The following CHSY1 variants were observed in gnomAD, a reference collection of about 807,000 sequenced individuals.
CHSY1 encodes the protein chondroitin sulfate synthase 1.
In CHSY1, 13 loss-of-function variants were observed where a neutral mutation model predicts 59.8. The observed-to-expected ratio is 0.22, with a 90% CI of 0.14 to 0.35. CHSY1 has a LOEUF of 0.35. Among genes scored for constraint, CHSY1 ranks in the 10% least tolerant of loss-of-function variants. The probability of loss-of-function intolerance (pLI) is 1.00; values close to 1 mark genes in which losing one functional copy is unlikely to be tolerated. For missense variants in CHSY1, 947 were observed against 1,030.6 expected, an observed-to-expected ratio of 0.92 and a Z score of 1.11; for synonymous variants, 459 against 401.2, an observed-to-expected ratio of 1.14 and a Z score of -1.72.
At chr15:101,237,907 G>A (rs1460443337) in intron 1 of CHSY1, among the ~76,000 whole-genome samples, 1 of 152,160 alleles carries the variant, frequency 6.6e-6, no homozygotes, top group Non-Finnish European at 1.5e-5. Flanking sequence ...CCTGTTACAA[G>A]TGTATTTATT....
intron 2 of CHSY1, among the ~76,000 whole-genome samples, chr15:101,215,930 G>C (rs1388088744): frequency 6.6e-6 from 1 of 151,924 alleles, no homozygotes; most frequent in Non-Finnish European, 1.5e-5. Context: ...TAATATTCTA[G>C]ATGCCTGAGG....
intron 1 of CHSY1, among the ~76,000 whole-genome samples, chr15:101,238,674 G>A (rs1177299340): frequency 6.6e-6 from 1 of 152,142 alleles, no homozygotes; most frequent in Non-Finnish European, 1.5e-5. Flanking sequence ...TTTTCCCTTA[G>A]TGCCTATGGA....
intron 2 of CHSY1, among the ~76,000 whole-genome samples, chr15:101,233,542 A>G (rs997023680): frequency 3.9e-5 from 6 of 152,212 alleles, no homozygotes; most frequent in African/African-American, 1.4e-4. Context: ...TATTCTGCTT[A>G]AAACAGCGTG....
At chr15:101,238,925 T>C (rs1239928713) in intron 1 of CHSY1, among the ~76,000 whole-genome samples, 1 of 152,212 alleles carries the variant, frequency 6.6e-6, no homozygotes, top group Non-Finnish European at 1.5e-5. Context: ...GGACAAGTCC[T>C]TTTGCAAATG....
At chr15:101,223,511 C>T (rs184664052) in intron 2 of CHSY1, among the ~76,000 whole-genome samples, 21 of 152,338 alleles carry the variant, frequency 1.4e-4, no homozygotes, top group East Asian at 9.6e-4. Flanking sequence ...TTGTTTTCAT[C>T]ATCTCATCTA....
At chr15:101,227,725 G>C (rs1345326366) in intron 2 of CHSY1, among the ~76,000 whole-genome samples, 1 of 152,204 alleles carries the variant, frequency 6.6e-6, no homozygotes, top group African/African-American at 2.4e-5. Context: ...TTCAGGGCAA[G>C]CACCAACAGG....
At position 101,178,170 on chromosome 15, in the gene CHSY1, G is replaced by A. The variant is rs768173595; in HGVS notation, c.1627C>T (p.Arg543Cys). The change falls in exon 3 of 3, where the codon CGT (arginine) becomes TGT (cysteine). Residue 543 changes from arginine to cysteine, a missense_variant. Physicochemically the swap from Arg to Cys is radical, Grantham distance 180. Coordinates refer to ENST00000254190, the MANE Select transcript of CHSY1 (RefSeq NM_014918.5). ...ATAAATCTCACAAACATGTCGAAACGCCCAGACAAAGGAATCAGTATGTTT... is the reference window on the plus strand; with the variant it reads ...ATAAATCTCACAAACATGTCGAAACACCCAGACAAAGGAATCAGTATGTTT... The part of the protein sequence containing the change: ...KINILIPLSG[R>C]FDMFVRFMGN... 4.3e-6 allele frequency: 7 copies of A among 1,614,184 alleles called. No homozygotes were observed. The highest frequency in any genetic ancestry group is 5.9e-6 in the Non-Finnish European group (7 of 1,180,042).
intron 2 of CHSY1, among the ~76,000 whole-genome samples, chr15:101,193,810 G>T (rs1461415401): frequency 6.6e-6 from 1 of 152,224 alleles, no homozygotes; most frequent in Non-Finnish European, 1.5e-5. Flanking sequence ...TCCACACCAG[G>T]AGAGTGTGCA....
At chr15:101,219,150 C>G (rs1479890534) in intron 2 of CHSY1, among the ~76,000 whole-genome samples, 2 of 152,084 alleles carry the variant, frequency 1.3e-5, no homozygotes, top group African/African-American at 4.8e-5. Context: ...TCTCTCTATA[C>G]CAAAAGAATA....
intron 1 of CHSY1, among the ~76,000 whole-genome samples, chr15:101,237,459 G>A (rs976049942): frequency 7.9e-5 from 12 of 152,118 alleles, no homozygotes; most frequent in African/African-American, 2.2e-4. Flanking sequence ...GCCCAGACCC[G>A]GGTTTAAGAG....
intron 1 of CHSY1, among the ~76,000 whole-genome samples, chr15:101,237,998 G>T (rs532114250): frequency 6.6e-6 from 1 of 152,178 alleles, no homozygotes; most frequent in African/African-American, 2.4e-5. Context: ...TATCTGAAAA[G>T]ATACACACCA....
At chr15:101,250,913 T>G (rs542264307) in intron 1 of CHSY1, among the ~76,000 whole-genome samples, 3 of 152,274 alleles carry the variant, frequency 2.0e-5, no homozygotes, top group African/African-American at 7.2e-5. Flanking sequence ...GAGGCCACAC[T>G]AGTCCATCTG....
intron 2 of CHSY1, among the ~76,000 whole-genome samples, chr15:101,213,905 T>A (rs1278186124): frequency 6.6e-6 from 1 of 152,238 alleles, no homozygotes; most frequent in Non-Finnish European, 1.5e-5. Flanking sequence ...CTTTTCCTAA[T>A]GCGGTTAAAA....
intron 2 of CHSY1, among the ~76,000 whole-genome samples, chr15:101,214,436 G>A (rs567112288): frequency 1.3e-5 from 2 of 152,312 alleles, no homozygotes; most frequent in African/African-American, 2.4e-5. Context: ...CAACGTCACT[G>A]CACAAGTTGT....
intron 2 of CHSY1, among the ~76,000 whole-genome samples, chr15:101,220,150 G>A (rs1323914600): frequency 6.6e-6 from 1 of 152,188 alleles, no homozygotes; most frequent in Non-Finnish European, 1.5e-5. Flanking sequence ...TACCCAAACA[G>A]TGAGTGTTCA....
chr15:101,222,045 T>C (rs550098794), intron 2 of CHSY1, among the ~76,000 whole-genome samples: 6 of 152,280 alleles, frequency 3.9e-5, no homozygotes, highest in South Asian at 2.1e-4. Context: ...AATGGTACCA[T>C]TACAAATTTT....
At position 101,251,267 on chromosome 15, in the gene CHSY1, C is replaced by T. The variant is rs769189425; in HGVS notation, c.190G>A (p.Asp64Asn). The T allele has an allele frequency of 2.2e-6, 3 of 1,341,126 alleles. No individual in the cohort carries two copies. The highest frequency in any genetic ancestry group is 3.7e-5 in the South Asian group (2 of 53,462). The allele number at this position is 1,341,126 out of a possible 1,614,324, so 83.1% of individuals were successfully genotyped here. A position where few individuals can be genotyped will look rare whatever the true frequency, so the allele number is the denominator to read the frequency against. Reference protein sequence around the residue: ...AASQAGGARGDARGAQLWPPG... With the variant: ...AASQAGGARGNARGAQLWPPG... Reference sequence around the variant, plus strand: ...GGCCAGAGCTGCGCCCCGCGCGCATCGCCGCGCGCCCCGCCGGCCTGGGAA... The same window carrying T: ...GGCCAGAGCTGCGCCCCGCGCGCATTGCCGCGCGCCCCGCCGGCCTGGGAA... Residue 64 changes from aspartate (D) to asparagine (N), a missense_variant, in exon 1 of 3, where the codon GAT (aspartate) becomes AAT (asparagine). Physicochemically the swap from Asp to Asn is conservative, Grantham distance 23. This residue lies in a region of CHSY1 where 232 missense variants were observed against 188.5 expected (regional missense o/e 1.23). Coordinates refer to ENST00000254190, the MANE Select transcript of CHSY1 (RefSeq NM_014918.5).
At chr15:101,228,845 G>C (rs1280592799) in intron 2 of CHSY1, among the ~76,000 whole-genome samples, 1 of 152,168 alleles carries the variant, frequency 6.6e-6, no homozygotes, top group East Asian at 1.9e-4. Flanking sequence ...TTTTTTATTT[G>C]TAATTCCTTT....
chr15:101,233,358 G>A (rs12442366), intron 2 of CHSY1, among the ~76,000 whole-genome samples: 77,755 of 151,980 alleles, frequency 0.51, 22,321 homozygotes, highest in African/African-American at 0.8. Context: ...ATTCTCTCCC[G>A]AAAGAAGGTC....
Sources: allele counts gnomAD v4.1 joint callset (sites outside exome capture counted in the v4.1 genomes callset), GRCh38; gene constraint gnomAD v4.1.1; regional missense constraint gnomAD v4.1.1; transcripts MANE v1.5; gene names NCBI Gene and HGNC (gene_info 2026-07-23, HGNC 2026-07-21).